Variants in ESCO1 observed in about 807,000 individuals in gnomAD.
ESCO1 encodes the protein establishment of sister chromatid cohesion N-acetyltransferase 1, also known as N-acetyltransferase ESCO1.
ESCO1 carries 33 observed loss-of-function variants against 83.5 expected under a neutral mutation model. The ratio of observed to expected loss-of-function variants is 0.40; its 90% CI spans 0.30 to 0.53. The LOEUF (loss-of-function observed/expected upper bound fraction) is 0.53. Ranked by LOEUF, ESCO1 falls within the 20% of genes least tolerant of loss-of-function variation. ESCO1 has a pLI of 0.63. For missense variants in ESCO1, 855 were observed against 968.0 expected (o/e 0.88, Z 1.55); for synonymous variants, 332 against 324.3 (o/e 1.02, Z -0.25).
chr18:21,582,598 C>G lies in ESCO1; in HGVS notation c.-694+1712G>C, dbSNP rs555283479. Among the ~76,000 whole-genome samples, 15 of 152,118 alleles carry G rather than the reference C, an allele frequency of 9.9e-5. No homozygotes were observed. In the South Asian group the frequency reaches 3.1e-3, roughly 32 times the overall value. On this transcript the variant is annotated intron_variant, in intron 2 of 11. Transcript: ENST00000269214. ...TAAGCCTTGTCACAAAATTGAGAAG[C>G]CAAGTTTGAAGGGCAAAACTGGGGA... is the stretch of plus-strand genomic sequence containing the variant.
intron 5 of ESCO1, 39 bp downstream of exon 5, chr18:21,567,941 G>A: frequency 1.4e-6 from 2 of 1,480,838 alleles, no homozygotes; most frequent in Non-Finnish European, 1.9e-6. Flanking sequence ...AAATGTCACT[G>A]AAGACTATGA....
intron 7 of ESCO1, 116 bp from the exon 8 acceptor site, chr18:21,561,106 A>C: frequency 1.0e-6 from 1 of 954,668 alleles, no homozygotes; most frequent in Non-Finnish European, 1.4e-6. Flanking sequence ...TACATGAATA[A>C]CATTCAATGT....
chr18:21,591,485 T>C (rs1482575506), intron 1 of ESCO1, among the ~76,000 whole-genome samples: 2 of 152,220 alleles, frequency 1.3e-5, no homozygotes, highest in East Asian at 3.8e-4. Flanking sequence ...AACCATTTTT[T>C]ATCTTACACA....
intron 1 of ESCO1, among the ~76,000 whole-genome samples, chr18:21,586,685 G>A (rs1255985429): frequency 1.3e-5 from 2 of 152,130 alleles, no homozygotes; most frequent in Non-Finnish European, 2.9e-5. Context: ...CATGTCATCT[G>A]CAAAGAGAGA....
intron 1 of ESCO1, among the ~76,000 whole-genome samples, chr18:21,599,850 C>A (rs773330108): frequency 7.9e-5 from 12 of 152,156 alleles, no homozygotes; most frequent in Non-Finnish European, 1.2e-4. Flanking sequence ...CCCATTCTGC[C>A]TGTGCAAAAT....
chr18:21,589,676 T>C (rs534921487), intron 1 of ESCO1, among the ~76,000 whole-genome samples: 1 of 152,276 alleles, frequency 6.6e-6, no homozygotes, highest in African/African-American at 2.4e-5. Context: ...AGATTTCTCT[T>C]CTGGGACAAC....
At chr18:21,594,959 G>A (rs1462906717) in intron 1 of ESCO1, among the ~76,000 whole-genome samples, 1 of 140,884 alleles carries the variant, frequency 7.1e-6, no homozygotes, top group Non-Finnish European at 1.6e-5. Context: ...GTGTGTGTGT[G>A]TGTGTGTATC....
At chr18:21,542,211 A>G (rs988595721) in intron 8 of ESCO1, among the ~76,000 whole-genome samples, 6 of 152,162 alleles carry the variant, frequency 3.9e-5, no homozygotes, top group Non-Finnish European at 7.4e-5. Context: ...TTTGAGACAG[A>G]GTCTCACTCT....
At chr18:21,576,465 T>C (rs1469013592) in intron 2 of ESCO1, among the ~76,000 whole-genome samples, 1 of 152,122 alleles carries the variant, frequency 6.6e-6, no homozygotes, top group Non-Finnish European at 1.5e-5. Flanking sequence ...ATCATGCCAG[T>C]ACACTCCAAC....
At chr18:21,547,159 T>A (rs971559117) in intron 8 of ESCO1, among the ~76,000 whole-genome samples, 4 of 152,200 alleles carry the variant, frequency 2.6e-5, no homozygotes, top group African/African-American at 7.2e-5. Context: ...CTGTATATCC[T>A]AAAATACTAC....
At chr18:21,587,967 T>C (rs544948763) in intron 1 of ESCO1, among the ~76,000 whole-genome samples, 2 of 152,100 alleles carry the variant, frequency 1.3e-5, no homozygotes, top group African/African-American at 4.8e-5. Context: ...CACATGCCGA[T>C]AGTCCCAGCT....
chr18:21,585,140 CAAAA>C (rs34965491), intron 1 of ESCO1, among the ~76,000 whole-genome samples: 2 of 113,510 alleles, frequency 1.8e-5, no homozygotes, highest in Admixed American at 9.1e-5. Context: ...GACTCCATCT[CAAAA>C]AAAAAAAAAA....
At chr18:21,595,381 AAAAAAG>A (rs1334182669) in intron 1 of ESCO1, among the ~76,000 whole-genome samples, 5 of 149,624 alleles carry the variant, frequency 3.3e-5, no homozygotes, top group African/African-American at 1.2e-4. Flanking sequence ...AAAAAAAAAA[AAAAAAG>A]GGGCCGGCGC....
At chr18:21,573,062 C>T (rs773755794) in intron 4 of ESCO1, among the ~76,000 whole-genome samples, 4 of 151,496 alleles carry the variant, frequency 2.6e-5, no homozygotes, top group Admixed American at 1.3e-4. Context: ...GGAATTCAAC[C>T]GGCTTATGCT....
At chr18:21,595,506 A>G (rs1313029604) in intron 1 of ESCO1, among the ~76,000 whole-genome samples, 2 of 140,370 alleles carry the variant, frequency 1.4e-5, no homozygotes, top group Admixed American at 7.1e-5. Flanking sequence ...CGTCTCTACT[A>G]AAAATACAAA....
At position 21,540,085 on chromosome 18, in the gene ESCO1, T is replaced by C. The variant is rs375318347; in HGVS notation, c.1954-76A>G. The C allele has an allele frequency of 1.3e-4, 166 of 1,263,960 alleles. No individual in the cohort carries two copies. The East Asian group carries it at 3.7e-3, about 28-fold the overall frequency. 78.3% of individuals were successfully genotyped at this position (1,263,960 alleles called of 1,614,324 possible). ...GTATATTCTATTCATTATATCCACGTACAAGATAAAAAGTACATCAATTTG... is the reference window on the plus strand; with the variant it reads ...GTATATTCTATTCATTATATCCACGCACAAGATAAAAAGTACATCAATTTG... On this transcript the variant is annotated intron_variant, in intron 8 of 11. Transcript: ENST00000269214.
chr18:21,537,789 A>G (rs1309065152), intron 9 of ESCO1, among the ~76,000 whole-genome samples: 1 of 152,206 alleles, frequency 6.6e-6, no homozygotes, highest in Non-Finnish European at 1.5e-5. Flanking sequence ...TAGTGTAGCA[A>G]AAGTTCCCAT....
chr18:21,561,793 A>G (rs1015932577), intron 7 of ESCO1, among the ~76,000 whole-genome samples: 3 of 151,690 alleles, frequency 2.0e-5, no homozygotes, highest in Non-Finnish European at 4.4e-5. Flanking sequence ...CTGGTCTAGA[A>G]CTGAGCTCAA....
intron 8 of ESCO1, among the ~76,000 whole-genome samples, chr18:21,560,036 A>G (rs2038162928): frequency 6.6e-6 from 1 of 152,118 alleles, no homozygotes; most frequent in Non-Finnish European, 1.5e-5. Flanking sequence ...TACCTATATA[A>G]AGATTTATAT....
Sources: gnomAD v4.1 joint callset for allele counts (sites outside exome capture counted in the v4.1 genomes callset) on GRCh38, gnomAD v4.1.1 for gene constraint, MANE v1.5 for transcripts, NCBI Gene and HGNC (gene_info 2026-07-23, HGNC 2026-07-21) for gene names.